C6orf62: variants seen among roughly 807,000 people sequenced by gnomAD.
C6orf62 encodes chromosome 6 open reading frame 62, also known as uncharacterized protein C6orf62.
In C6orf62, 16 loss-of-function variants were observed where a neutral mutation model predicts 26.8. That is an observed-to-expected ratio of 0.60 (90% CI 0.40 to 0.91). The LOEUF is 0.91. Among genes scored for constraint, C6orf62 ranks in the 40% least tolerant of loss-of-function variants. The pLI, the probability that C6orf62 is intolerant of heterozygous loss-of-function variation, is 0.00. For synonymous variants in C6orf62, 112 were observed against 91.5 expected, an observed-to-expected ratio of 1.22 and a Z score of -1.28; for missense variants, 192 against 271.4, an observed-to-expected ratio of 0.71 and a Z score of 2.06.
Position 24,705,358 on chromosome 6 carries a change from C to T in C6orf62, c.*779G>A, listed in dbSNP as rs899037524. On this transcript the variant is annotated 3_prime_UTR_variant, in exon 5 of 5. Transcript: ENST00000378119. The stretch of plus-strand genomic sequence containing the variant: ...ACAAAACAAAACCAAAAGAAAAGTC[C>T]TCTACCTATCATGGTTTCTGCAGCT... 10 of 152,544 alleles carry T rather than the reference C, an allele frequency of 6.6e-5. No individual in the cohort carries two copies. Among genetic ancestry groups the T allele is most frequent in the Non-Finnish European group, 1.5e-4 (10 of 68,010 alleles). The allele number at this position is 152,544 out of a possible 1,614,324, so 9.4% of individuals were successfully genotyped here.
At chr6:24,719,795 G>T, upstream of C6orf62, 1 of 1,547,558 alleles carries the variant, frequency 6.5e-7, no homozygotes, top group South Asian at 1.2e-5. Context: ...GGTGCCCGGA[G>T]ACCACCTGCC....
At position 24,712,941 on chromosome 6, in the gene C6orf62, G is replaced by C. The variant is rs149377637; in HGVS notation, c.429+1377C>G. On this transcript the variant is annotated intron_variant, in intron 3 of 4. Transcript: ENST00000378119. ...ACACCACCTCCAGAGAGCAGCTAGA[G>C]TTATCAGCCCTGCGCTGAGAACTTT... Among the ~76,000 whole-genome samples the C allele has an allele frequency of 8.7e-4, 133 of 152,262 alleles. 5 individuals are homozygous for C. The East Asian group carries it at 0.021, about 24-fold the overall frequency.
chr6:24,711,102 T>G lies in C6orf62; in HGVS notation c.430-2191A>C, dbSNP rs532036182. Among the ~76,000 whole-genome samples the G allele has an allele frequency of 6.8e-4, 103 of 152,240 alleles. 1 individual carries two copies. The highest frequency in any genetic ancestry group is 2.2e-3 in the African/African-American group (90 of 41,550). On this transcript the variant is annotated intron_variant, in intron 3 of 4. Transcript: ENST00000378119. ...TTCAAGTAACAAAGCTGCAATATGGTAAGCAACCAGGGTGGGTGCAAGAAC... is the reference window on the plus strand; with the variant it reads ...TTCAAGTAACAAAGCTGCAATATGGGAAGCAACCAGGGTGGGTGCAAGAAC...
intron 4 of C6orf62, among the ~76,000 whole-genome samples, chr6:24,707,349 T>C (rs1485225926): frequency 6.6e-6 from 1 of 151,898 alleles, no homozygotes; most frequent in Non-Finnish European, 1.5e-5. Context: ...AGTGGTTATT[T>C]GTTGTTGGCG....
chr6:24,708,290 C>T (rs1006845536), intron 4 of C6orf62, among the ~76,000 whole-genome samples: 3 of 148,340 alleles, frequency 2.0e-5, no homozygotes. Flanking sequence ...GTTGCTGTAA[C>T]ATGCAGCAAA....
intron 2 of C6orf62, among the ~76,000 whole-genome samples, chr6:24,715,163 C>T (rs1356713277): frequency 4.6e-5 from 7 of 152,202 alleles, no homozygotes; most frequent in African/African-American, 1.7e-4. Context: ...TGATAGAAAA[C>T]TACTTTTCTC....
chr6:24,720,274 G>A (rs1779329347), upstream of C6orf62: 1 of 1,296,992 alleles, frequency 7.7e-7, no homozygotes, highest in Admixed American at 3.9e-5. Context: ...GAGCGGTGGC[G>A]GCGGCGGAAG....
At chr6:24,719,291 A>T, upstream of C6orf62, 1 of 989,624 alleles carries the variant, frequency 1.0e-6, no homozygotes, top group South Asian at 4.5e-5. Flanking sequence ...ATTCTTAGTT[A>T]TTTCAGATTT....
At chr6:24,715,764 T>C (rs556029038) in intron 2 of C6orf62, among the ~76,000 whole-genome samples, 19 of 150,638 alleles carry the variant, frequency 1.3e-4, no homozygotes, top group Non-Finnish European at 2.1e-4. Context: ...AGGAGAATCA[T>C]TTGAATGCGC....
chr6:24,708,231 G>A (rs888342727), intron 4 of C6orf62, among the ~76,000 whole-genome samples: 38 of 143,380 alleles, frequency 2.7e-4, no homozygotes, highest in Admixed American at 2.8e-4. Context: ...TAAAAGCTTC[G>A]AAGGAGGTGG....
At chr6:24,719,988 T>G, upstream of C6orf62, 1 of 1,540,646 alleles carries the variant, frequency 6.5e-7, no homozygotes. Context: ...AGAAAATAAT[T>G]GTGTTAATAT....
chr6:24,714,280 A>C (rs760636950), intron 3 of C6orf62, 38 bp downstream of exon 3: 19 of 1,541,036 alleles, frequency 1.2e-5, no homozygotes, highest in Admixed American at 8.3e-5. Flanking sequence ...AGTAGTTTTC[A>C]CATATTGAAA....
chr6:24,720,275 G>A (rs2127637762), upstream of C6orf62: 1 of 1,295,670 alleles, frequency 7.7e-7, no homozygotes, highest in Non-Finnish European at 9.7e-7. Flanking sequence ...AGCGGTGGCG[G>A]CGGCGGAAGA....
At chr6:24,719,971 GA>G (rs1381004148), upstream of C6orf62, 9 of 1,541,316 alleles carry the variant, frequency 5.8e-6, no homozygotes, top group Admixed American at 2.1e-5. Flanking sequence ...TTCAGTGGGG[GA>G]AAAAAAGAAA....
At chr6:24,710,321 A>G in intron 3 of C6orf62, 2 of 810,550 alleles carry the variant, frequency 2.5e-6, no homozygotes, top group Non-Finnish European at 3.0e-6. Flanking sequence ...GCTGGAGTGC[A>G]ATGGCGCGAT....
chr6:24,708,930 A>G lies in C6orf62; in HGVS notation c.430-19T>C. 6.2e-7 allele frequency: 1 copy of G among 1,613,752 alleles called. No homozygotes were observed. Among genetic ancestry groups the G allele is most frequent in the Non-Finnish European group, 8.5e-7 (1 of 1,179,792 alleles). On this transcript the variant is annotated intron_variant, in intron 3 of 4. Coordinates refer to ENST00000378119, the MANE Select transcript of C6orf62 (RefSeq NM_030939.5). ...ATTTGGCCTAATTACAAAATACAACATTTATATTAAACTACAAACAAGTTA... is the reference window on the plus strand; with the variant it reads ...ATTTGGCCTAATTACAAAATACAACGTTTATATTAAACTACAAACAAGTTA...
At chr6:24,715,831 A>G (rs1779214948) in intron 2 of C6orf62, among the ~76,000 whole-genome samples, 1 of 146,600 alleles carries the variant, frequency 6.8e-6, no homozygotes, top group Non-Finnish European at 1.5e-5. Flanking sequence ...CCTCAGCGAA[A>G]GAGCAAGACT....
chr6:24,719,790 C>T, upstream of C6orf62: 1 of 1,547,308 alleles, frequency 6.5e-7, no homozygotes, highest in Non-Finnish European at 8.7e-7. Flanking sequence ...CAGGCGGTGC[C>T]CGGAGACCAC....
At chr6:24,717,619 C>T (rs984207594) in intron 1 of C6orf62, among the ~76,000 whole-genome samples, 1 of 152,098 alleles carries the variant, frequency 6.6e-6, no homozygotes, top group Non-Finnish European at 1.5e-5. Context: ...TACAGTGAGG[C>T]CTGTCTCAGC....
Sources: gnomAD v4.1 joint callset for allele counts (sites outside exome capture counted in the v4.1 genomes callset) on GRCh38, gnomAD v4.1.1 for gene constraint, MANE v1.5 for transcripts, NCBI Gene and HGNC (gene_info 2026-07-23, HGNC 2026-07-21) for gene names.